Variants in NAA11 observed in about 807,000 individuals in gnomAD.
NAA11 encodes the protein N-alpha-acetyltransferase 11.
NAA11 carries 15 observed loss-of-function variants against 16.1 expected under a neutral mutation model. That is an observed-to-expected ratio of 0.93 (90% CI 0.62 to 1.44). NAA11 has a LOEUF of 1.44. Among genes scored for constraint, NAA11 ranks in the 40% most tolerant of loss-of-function variants. The pLI is 0.00. For synonymous variants in NAA11, 122 were observed against 112.4 expected (o/e 1.09, Z -0.54); for missense variants, 298 against 291.3 (o/e 1.02, Z -0.17).
chr4:79,246,346 C>T (rs189119452), intron 2 of NAA11, among the ~76,000 whole-genome samples: 130 of 145,452 alleles, frequency 8.9e-4, no homozygotes, highest in African/African-American at 3.2e-3. Context: ...TCCCTCTCTC[C>T]GAGAAACACC....
chr4:79,202,623 T>TTATATATATATATA, the NAA11 span, among the ~76,000 whole-genome samples: 1,283 of 52,572 alleles, frequency 0.024, 158 homozygotes, highest in Middle Eastern at 0.061. Flanking sequence ...ATATATAGTT[T>TTATATATATATATA]TATATATATA....
At chr4:79,240,497 A>G (rs1721668127) in intron 2 of NAA11, among the ~76,000 whole-genome samples, 1 of 152,166 alleles carries the variant, frequency 6.6e-6, no homozygotes, top group Admixed American at 6.6e-5. Context: ...TCTTCTCAAA[A>G]TATCACATAA....
At chr4:79,225,739 T>C (rs930328318) in exon 3 of NAA11, 1 of 152,050 alleles carries the variant, frequency 6.6e-6, no homozygotes, top group Non-Finnish European at 1.5e-5. Flanking sequence ...TACTTTCTGC[T>C]CTTTGGTGAG....
chr4:79,326,034 C>T lies in NAA11; in HGVS notation c.-157G>A, dbSNP rs72664055. 3.1e-6 allele frequency: 2 copies of T among 639,610 alleles called. No homozygotes were observed. The highest frequency in any genetic ancestry group is 5.5e-5 in the East Asian group (2 of 36,270). 39.6% of individuals were successfully genotyped at this position (639,610 alleles called of 1,614,324 possible). A position where few individuals can be genotyped will look rare whatever the true frequency, so the allele number is the denominator to read the frequency against. ...GCGGATGGCGGGAAGGCGGAAGGAG[C>T]AGGAGATGGAAAAGATGGTGCCAAA... On this transcript the variant is annotated 5_prime_UTR_variant, in exon 1 of 2. Coordinates refer to ENST00000286794, the MANE Select transcript of NAA11 (RefSeq NM_032693.3).
chr4:79,238,090 T>G (rs1721612695), intron 2 of NAA11, among the ~76,000 whole-genome samples: 3 of 152,226 alleles, frequency 2.0e-5, no homozygotes, highest in Admixed American at 2.0e-4. Context: ...ACAAATCTTT[T>G]TCACCTTGGC....
At chr4:79,222,849 C>T (rs1290756427), downstream of NAA11, among the ~76,000 whole-genome samples, 1 of 152,108 alleles carries the variant, frequency 6.6e-6, no homozygotes, top group East Asian at 1.9e-4. Context: ...TGAACAGACA[C>T]TTCTCAAAAG....
the NAA11 span, among the ~76,000 whole-genome samples, chr4:79,201,194 A>AT: frequency 2.1e-3 from 326 of 151,706 alleles, 2 homozygotes; most frequent in African/African-American, 7.4e-3. Flanking sequence ...ATTTCCCATT[A>AT]TAAATCATGC....
At chr4:79,244,008 G>T (rs1337406793) in intron 2 of NAA11, among the ~76,000 whole-genome samples, 1 of 152,150 alleles carries the variant, frequency 6.6e-6, no homozygotes, top group Non-Finnish European at 1.5e-5. Flanking sequence ...CCCAACTGAG[G>T]CTTTCTTCCT....
At chr4:79,244,270 C>T (rs2109963096) in intron 2 of NAA11, among the ~76,000 whole-genome samples, 1 of 152,268 alleles carries the variant, frequency 6.6e-6, no homozygotes, top group African/African-American at 2.4e-5. Flanking sequence ...CTCTCCTGCC[C>T]TGCTCATGCC....
chr4:79,184,895 A>G, the NAA11 span, among the ~76,000 whole-genome samples: 1 of 152,210 alleles, frequency 6.6e-6, no homozygotes, highest in Non-Finnish European at 1.5e-5. Flanking sequence ...TGGCAAAAAT[A>G]AAGTTTTTTA....
chr4:79,239,980 A>G (rs966408970), intron 2 of NAA11, among the ~76,000 whole-genome samples: 1 of 152,130 alleles, frequency 6.6e-6, no homozygotes, highest in Non-Finnish European at 1.5e-5. Context: ...ACTACTGCTG[A>G]GTGCCTAATC....
intron 2 of NAA11, among the ~76,000 whole-genome samples, chr4:79,264,265 G>A (rs1052549280): frequency 2.6e-5 from 4 of 152,102 alleles, no homozygotes; most frequent in Non-Finnish European, 5.9e-5. Context: ...TATGTCTGTT[G>A]GATCTTAAAC....
intron 1 of NAA11, among the ~76,000 whole-genome samples, chr4:79,318,548 G>A (rs920818028): frequency 1.9e-4 from 29 of 152,174 alleles, no homozygotes; most frequent in Non-Finnish European, 2.5e-4. Flanking sequence ...TATGCACAGA[G>A]CAGTTAAAAA....
At chr4:79,310,192 A>G (rs1427188779) in intron 1 of NAA11, among the ~76,000 whole-genome samples, 1 of 152,228 alleles carries the variant, frequency 6.6e-6, no homozygotes, top group Non-Finnish European at 1.5e-5. Context: ...GACAAAAACA[A>G]TCTATGATCA....
chr4:79,171,330 C>T, the NAA11 span, among the ~76,000 whole-genome samples: 2 of 152,056 alleles, frequency 1.3e-5, no homozygotes, highest in African/African-American at 4.8e-5. Context: ...CTTTTCTCTC[C>T]ATGTCATGTT....
chr4:79,306,558 GA>G (rs1201391885), intron 1 of NAA11: 2 of 152,172 alleles, frequency 1.3e-5, no homozygotes, highest in Non-Finnish European at 2.9e-5. Context: ...CAGAGAGTAG[GA>G]ATTAGAAGTT....
chr4:79,270,142 C>A (rs1353559704), intron 2 of NAA11, among the ~76,000 whole-genome samples: 1 of 150,640 alleles, frequency 6.6e-6, no homozygotes, highest in East Asian at 2.0e-4. Context: ...TAGTGTGATG[C>A]CTCCAGCTTT....
At chr4:79,256,651 AAT>A (rs34533882) in intron 2 of NAA11, among the ~76,000 whole-genome samples, 7 of 130,764 alleles carry the variant, frequency 5.4e-5, no homozygotes, top group Admixed American at 1.5e-4. Context: ...TATAAATATA[AAT>A]ATATATATAT....
At chr4:79,166,481 A>C in the NAA11 span, among the ~76,000 whole-genome samples, 1 of 150,594 alleles carries the variant, frequency 6.6e-6, no homozygotes, top group Non-Finnish European at 1.5e-5. Context: ...TCTCCCTAGT[A>C]GCTAGAATTA....
Sources: allele counts gnomAD v4.1 joint callset (sites outside exome capture counted in the v4.1 genomes callset), GRCh38; gene constraint gnomAD v4.1.1; transcripts MANE v1.5; gene names NCBI Gene and HGNC (gene_info 2026-07-23, HGNC 2026-07-21).